The following CSMD3 variants were observed in gnomAD, a reference collection of about 807,000 sequenced individuals.
CSMD3 encodes the protein CUB and sushi domain-containing protein 3.
In CSMD3, 177 loss-of-function variants were observed where a neutral mutation model predicts 435.2. The observed-to-expected ratio is 0.41, with a 90% CI of 0.36 to 0.46. The LOEUF (loss-of-function observed/expected upper bound fraction) is 0.46. Ranked by LOEUF, CSMD3 falls within the 20% of genes least tolerant of loss-of-function variation. The pLI is 0.34. For synonymous variants in CSMD3, 1,656 were observed against 1,520.5 expected (o/e 1.09, Z -2.07); for missense variants, 4,265 against 4,504.6 (o/e 0.95, Z 1.52).
chr8:113,142,220 T>C (rs1397262939), intron 4 of CSMD3, among the ~76,000 whole-genome samples: 1 of 151,330 alleles, frequency 6.6e-6, no homozygotes, highest in East Asian at 1.9e-4. Flanking sequence ...TTTACTGTGA[T>C]ATCTATAGAA....
intron 5 of CSMD3, among the ~76,000 whole-genome samples, chr8:113,027,299 T>TTG (rs2086908812): frequency 1.3e-5 from 2 of 152,146 alleles, no homozygotes; most frequent in Non-Finnish European, 2.9e-5. Flanking sequence ...GAATGCATTT[T>TTG]ATAGTCCCAA....
chr8:113,206,060 C>T (rs2132052043), intron 3 of CSMD3, among the ~76,000 whole-genome samples: 1 of 152,154 alleles, frequency 6.6e-6, no homozygotes, highest in Non-Finnish European at 1.5e-5. Flanking sequence ...TGTTTTTGCA[C>T]TACAAGGGTA....
chr8:112,807,871 AAGG>A (rs778161174), intron 12 of CSMD3, among the ~76,000 whole-genome samples: 25 of 152,306 alleles, frequency 1.6e-4, no homozygotes, highest in Non-Finnish European at 2.6e-4. Context: ...ATGAATTATA[AAGG>A]AGGATAAAAC....
At chr8:112,304,454 C>A (rs1025568919) in intron 52 of CSMD3, among the ~76,000 whole-genome samples, 1 of 150,846 alleles carries the variant, frequency 6.6e-6, no homozygotes, top group African/African-American at 2.4e-5. Context: ...AGTAAGTAAT[C>A]ATTACTTCAT....
intron 5 of CSMD3, among the ~76,000 whole-genome samples, chr8:113,095,636 G>GA (rs768436522): frequency 6.6e-6 from 1 of 151,738 alleles, no homozygotes; most frequent in Non-Finnish European, 1.5e-5. Flanking sequence ...TGTATTAGCA[G>GA]ATTCAACCAA....
chr8:113,167,529 G>C (rs1013670983), intron 4 of CSMD3, among the ~76,000 whole-genome samples: 2 of 152,078 alleles, frequency 1.3e-5, no homozygotes, highest in African/African-American at 2.4e-5. Flanking sequence ...GTCTAATCAG[G>C]ACATGTACGT....
chr8:112,304,744 C>G lies in CSMD3; in HGVS notation c.8243G>C (p.Arg2748Thr), dbSNP rs1821256875. The G allele has an allele frequency of 6.2e-7, 1 of 1,613,568 alleles. No homozygotes were observed. Among genetic ancestry groups the G allele is most frequent in the Admixed American group, 1.7e-5 (1 of 60,002 alleles). The change falls in exon 52 of 71, where the codon AGA becomes ACA. Residue 2748 changes from arginine (R) to threonine (T), a missense_variant. By Grantham distance (71) the Arg-to-Thr change is moderately conservative. Around this residue, in one of 3 missense-constraint regions of CSMD3, gnomAD observed 3,255 missense variants for 3,380.2 expected, o/e 0.96. Coordinates refer to ENST00000297405, the MANE Select transcript of CSMD3 (RefSeq NM_198123.2). The part of the protein sequence containing the change: ...ECLPNGTWSW[R>T]NERPYCQIIS... The stretch of plus-strand genomic sequence containing the variant: ...ACTTTGGCAATATGGTCTTTCATTT[C>G]TCCAACTCCAAGTACCATTAGGAAG...
At position 112,358,389 on chromosome 8, in the gene CSMD3, A is replaced by G. The variant is rs147260831; in HGVS notation, c.6137-5855T>C. ...TTAAGACTTTTGGGGACTGTTGGGA[A>G]GGCATGATTGGTTTTGAAATGTGAA... is the stretch of plus-strand genomic sequence containing the variant. On this transcript the variant is annotated intron_variant, in intron 38 of 70. Transcript: ENST00000297405. Among the ~76,000 whole-genome samples, 1,146 of 152,248 alleles carry G rather than the reference A, an allele frequency of 7.5e-3. 22 individuals carry two copies. The highest frequency in any genetic ancestry group is 0.026 in the African/African-American group (1,066 of 41,558).
At position 112,410,620 on chromosome 8, in the gene CSMD3, ATATATGTG is replaced by A. The variant is rs1365928299; in HGVS notation, c.5396-1596_5396-1589del. Among the ~76,000 whole-genome samples, 333 of 63,452 alleles carry A rather than the reference ATATATGTG, an allele frequency of 5.2e-3. 9 individuals carry two copies. Among genetic ancestry groups the A allele is most frequent in the Middle Eastern group, 0.01 (1 of 98 alleles). The allele number at this position is 63,452 out of a possible 152,430, so 41.6% of individuals were successfully genotyped here. ...TATATATGTGTATATATATATGTAT[ATATATGTG>A]TATATATATGTATATATATATGTGT... On this transcript the variant is annotated intron_variant, in intron 32 of 70. Transcript: ENST00000297405.
At chr8:112,954,792 C>T (rs757074330) in intron 7 of CSMD3, 31 bp from the exon 8 acceptor site, 6 of 1,207,194 alleles carry the variant, frequency 5.0e-6, no homozygotes, top group African/African-American at 1.5e-5. Context: ...AAACATGTAT[C>T]AGGAAATACA....
intron 22 of CSMD3, 84 bp downstream of exon 22, chr8:112,636,733 A>G: frequency 1.7e-6 from 2 of 1,155,812 alleles, no homozygotes; most frequent in Middle Eastern, 2.6e-4. Flanking sequence ...AATTCAACAG[A>G]TTATAAAGAA....
chr8:112,465,643 A>G (rs1398322327), intron 32 of CSMD3, among the ~76,000 whole-genome samples: 2 of 152,198 alleles, frequency 1.3e-5, no homozygotes, highest in African/African-American at 4.8e-5. Context: ...CAAATAACAT[A>G]GTAATTTCTG....
intron 11 of CSMD3, among the ~76,000 whole-genome samples, chr8:112,850,125 A>G (rs898903040): frequency 1.3e-5 from 2 of 152,266 alleles, no homozygotes; most frequent in South Asian, 2.1e-4. Flanking sequence ...AACGTTAACT[A>G]TTGTTATTTA....
intron 65 of CSMD3, among the ~76,000 whole-genome samples, chr8:112,242,705 A>T (rs1814284968): frequency 6.6e-6 from 1 of 152,140 alleles, no homozygotes; most frequent in South Asian, 2.1e-4. Flanking sequence ...AGATAAAAGA[A>T]ATGTATGAGT....
At chr8:112,688,932 C>T (rs936674903) in intron 14 of CSMD3, among the ~76,000 whole-genome samples, 40 of 151,998 alleles carry the variant, frequency 2.6e-4, no homozygotes, top group African/African-American at 9.4e-4. Flanking sequence ...TGATATATTA[C>T]ACTAATGGAT....
intron 22 of CSMD3, among the ~76,000 whole-genome samples, chr8:112,599,967 C>T (rs6997904): frequency 0.59 from 85,951 of 145,276 alleles, 26,502 homozygotes; most frequent in African/African-American, 0.76. Flanking sequence ...CATGTATACA[C>T]ATGTAACTAA....
chr8:113,153,469 T>C (rs1418359354), intron 4 of CSMD3, among the ~76,000 whole-genome samples: 1 of 152,066 alleles, frequency 6.6e-6, no homozygotes, highest in East Asian at 1.9e-4. Context: ...AGTGGGACTA[T>C]GATAAATGTT....
At position 112,292,605 on chromosome 8, in the gene CSMD3, A is replaced by C; in HGVS notation, c.8720T>G (p.Met2907Arg). The change falls in exon 55 of 71, where the codon ATG becomes AGG. Residue 2907 changes from methionine to arginine, a missense_variant. By Grantham distance (91) the Met-to-Arg change is moderately conservative. Transcript: ENST00000297405. Reference protein sequence around the residue: ...VTFSCNIGYLMQGPTKAQCQA... With the variant: ...VTFSCNIGYLRQGPTKAQCQA... The stretch of plus-strand genomic sequence containing the variant: ...GCACTGTGCCTTTGTTGGCCCTTGC[A>C]TAAGATACCCAATATTGCATGAGAA... 2 of 1,613,856 alleles carry C rather than the reference A, an allele frequency of 1.2e-6. No individual in the cohort carries two copies. The highest frequency in any genetic ancestry group is 8.5e-7 in the Non-Finnish European group (1 of 1,179,796).
At chr8:112,966,356 T>G (rs1587782686) in intron 7 of CSMD3, among the ~76,000 whole-genome samples, 1 of 151,670 alleles carries the variant, frequency 6.6e-6, no homozygotes, top group African/African-American at 2.4e-5. Context: ...CAAAGGTAAT[T>G]TCACCATATA....
Sources: gnomAD v4.1 joint callset for allele counts (sites outside exome capture counted in the v4.1 genomes callset) on GRCh38, gnomAD v4.1.1 for gene constraint, gnomAD v4.1.1 regional missense constraint, MANE v1.5 for transcripts, NCBI Gene and HGNC (gene_info 2026-07-23, HGNC 2026-07-21) for gene names.